FRMD6: variants seen among roughly 807,000 people sequenced by gnomAD.
FRMD6 encodes the protein FERM domain-containing protein 6.
FRMD6 carries 37 observed loss-of-function variants against 73.2 expected under a neutral mutation model. The ratio of observed to expected loss-of-function variants is 0.51; its 90% CI spans 0.39 to 0.66. FRMD6 has a LOEUF of 0.66. FRMD6 is among the 30% of genes least tolerant of loss of function. The probability of loss-of-function intolerance (pLI) is 0.00; values close to 1 mark genes in which losing one functional copy is unlikely to be tolerated. For synonymous variants in FRMD6, 273 were observed against 282.2 expected (o/e 0.97, Z 0.33); for missense variants, 714 against 780.5 (o/e 0.91, Z 1.02).
At chr14:51,672,578 G>A (rs569014730) in intron 1 of FRMD6, among the ~76,000 whole-genome samples, 38 of 152,218 alleles carry the variant, frequency 2.5e-4, no homozygotes, top group Non-Finnish European at 5.0e-4. Flanking sequence ...TAGGTGGCTG[G>A]TATTATTATA....
intron 2 of FRMD6, among the ~76,000 whole-genome samples, chr14:51,694,523 T>G (rs1895814313): frequency 6.6e-6 from 1 of 152,080 alleles, no homozygotes; most frequent in African/African-American, 2.4e-5. Context: ...GACCCCTGTC[T>G]CTACATAAAA....
chr14:51,543,105 A>G (rs1350564575), intron 1 of FRMD6, among the ~76,000 whole-genome samples: 1 of 151,936 alleles, frequency 6.6e-6, no homozygotes. Flanking sequence ...AGTCTAATTT[A>G]TCTGTTTTTT....
At chr14:51,636,035 G>A (rs1359846493) in intron 2 of FRMD6, among the ~76,000 whole-genome samples, 1 of 152,214 alleles carries the variant, frequency 6.6e-6, no homozygotes, top group Non-Finnish European at 1.5e-5. Flanking sequence ...AAAGCGGAAG[G>A]CAAAGAAAGA....
the FRMD6 span, among the ~76,000 whole-genome samples, chr14:51,468,864 A>G: frequency 9.6e-4 from 146 of 152,282 alleles, no homozygotes; most frequent in African/African-American, 3.3e-3. Flanking sequence ...TTCTACATCT[A>G]TTGAAACAGT....
the FRMD6 span, among the ~76,000 whole-genome samples, chr14:51,441,892 T>C: frequency 7.2e-5 from 11 of 152,372 alleles, no homozygotes; most frequent in East Asian, 1.9e-3. Flanking sequence ...AATTATATAC[T>C]ACTTAATGAC....
chr14:51,688,769 A>G (rs1027352684), intron 1 of FRMD6, among the ~76,000 whole-genome samples: 1 of 152,244 alleles, frequency 6.6e-6, no homozygotes, highest in African/African-American at 2.4e-5. Context: ...AAAGTAGAAA[A>G]TACCCACTAC....
chr14:51,682,909 C>T (rs1050789830), intron 1 of FRMD6, among the ~76,000 whole-genome samples: 3 of 152,290 alleles, frequency 2.0e-5, no homozygotes, highest in South Asian at 2.1e-4. Context: ...ACATCACCCC[C>T]ATCAGCCAGG....
the FRMD6 span, among the ~76,000 whole-genome samples, chr14:51,481,053 T>C: frequency 6.6e-6 from 1 of 152,348 alleles, no homozygotes; most frequent in Non-Finnish European, 1.5e-5. Context: ...GGGGGATATC[T>C]ATTAAGACCA....
chr14:51,454,243 T>C, the FRMD6 span, among the ~76,000 whole-genome samples: 15 of 152,230 alleles, frequency 9.9e-5, no homozygotes, highest in Non-Finnish European at 1.9e-4. Flanking sequence ...TACTTTACCT[T>C]CTGGCTTTTA....
chr14:51,628,000 T>C (rs1031754239), intron 2 of FRMD6, among the ~76,000 whole-genome samples: 5 of 152,220 alleles, frequency 3.3e-5, no homozygotes, highest in African/African-American at 1.2e-4. Context: ...TAATACTTAA[T>C]AAAGCATAAA....
At chr14:51,549,584 T>A (rs1886666980) in intron 1 of FRMD6, among the ~76,000 whole-genome samples, 1 of 122,446 alleles carries the variant, frequency 8.2e-6, no homozygotes, top group Non-Finnish European at 1.7e-5. Flanking sequence ...GTATAAACTT[T>A]TTTTTTCTTT....
At chr14:51,489,215 C>T (rs1202483388) in exon 1 of FRMD6, 1 of 152,264 alleles carries the variant, frequency 6.6e-6, no homozygotes, top group Non-Finnish European at 1.5e-5. Context: ...TCTCTCCAAA[C>T]ATTCTTCCTT....
intron 6 of FRMD6, among the ~76,000 whole-genome samples, chr14:51,707,707 A>T (rs528167617): frequency 2.0e-5 from 3 of 152,178 alleles, no homozygotes; most frequent in Non-Finnish European, 4.4e-5. Context: ...AGATGTGCCT[A>T]CTATAGATGT....
rs1218544107 is a variant in FRMD6 at position 51,727,957 on chromosome 14, T to A, written c.1797T>A (p.Phe599Leu). ...AQQCINIQDAFPVKRTSKYFS... is the reference protein window; with the variant it reads ...AQQCINIQDALPVKRTSKYFS... The stretch of plus-strand genomic sequence containing the variant: ...AGTGCATCAACATCCAAGATGCTTT[T>A]CCAGTCAAAAGAACCAGCAAATACT... The change falls in exon 14 of 14, where the codon TTT (phenylalanine) becomes TTA (leucine). Residue 599 changes from phenylalanine (F) to leucine (L), a missense_variant. Phe to Leu is a conservative substitution (Grantham distance 22). Transcript: ENST00000344768. 19 of 1,613,942 alleles carry A rather than the reference T, an allele frequency of 1.2e-5. No homozygotes were observed. Among genetic ancestry groups the A allele is most frequent in the African/African-American group, 2.7e-5 (2 of 74,930 alleles).
chr14:51,639,008 C>T lies in FRMD6; in HGVS notation c.-146-50683C>T, dbSNP rs564934338. 1.4e-4 allele frequency among the ~76,000 whole-genome samples: 21 copies of T among 151,776 alleles called. No individual in the cohort carries two copies. In the South Asian group the frequency reaches 3.7e-3, roughly 27 times the overall value. ...TTTCTGATACATAGTTTTTGCTGTC[C>T]GAAAATCAGCCACTCTCTGCTAAGA... On this transcript the variant is annotated intron_variant, in intron 2 of 14. Coordinates refer to the FRMD6 transcript ENST00000356218.
At chr14:51,450,559 C>T in the FRMD6 span, among the ~76,000 whole-genome samples, 6 of 152,138 alleles carry the variant, frequency 3.9e-5, no homozygotes, top group African/African-American at 1.4e-4. Context: ...GAGATGTGGG[C>T]TAAGATGGTA....
chr14:51,501,796 C>A (rs1485420856), intron 1 of FRMD6, among the ~76,000 whole-genome samples: 2 of 152,200 alleles, frequency 1.3e-5, no homozygotes, highest in Non-Finnish European at 1.5e-5. Flanking sequence ...TGAGGAATCA[C>A]AACACTGTCT....
chr14:51,562,565 C>T (rs1300214027), intron 1 of FRMD6, among the ~76,000 whole-genome samples: 3 of 152,078 alleles, frequency 2.0e-5, no homozygotes, highest in Non-Finnish European at 4.4e-5. Flanking sequence ...TAAAGCTTCT[C>T]CAGTTTATTT....
the FRMD6 span, among the ~76,000 whole-genome samples, chr14:51,405,808 C>A: frequency 3.3e-5 from 5 of 152,054 alleles, no homozygotes; most frequent in South Asian, 2.1e-4. Flanking sequence ...TTGATCGTTT[C>A]TTTTGCTGTG....
Sources: allele counts gnomAD v4.1 joint callset (sites outside exome capture counted in the v4.1 genomes callset), GRCh38; gene constraint gnomAD v4.1.1; transcripts MANE v1.5; gene names NCBI Gene and HGNC (gene_info 2026-07-23, HGNC 2026-07-21).